Variants in GLYATL2 observed in about 807,000 individuals in gnomAD.
The protein encoded by GLYATL2 is glycine N-acyltransferase-like protein 2.
GLYATL2 carries 25 observed loss-of-function variants against 21.4 expected under a neutral mutation model. The ratio of observed to expected loss-of-function variants is 1.17; its 90% CI spans 0.85 to 1.63. GLYATL2 has a LOEUF of 1.63. Among genes scored for constraint, GLYATL2 ranks in the 40% most tolerant of loss-of-function variants. GLYATL2 has a pLI of 0.00. For synonymous variants in GLYATL2, 114 were observed against 118.2 expected (o/e 0.96, Z 0.23); for missense variants, 361 against 343.3 (o/e 1.05, Z -0.41).
chr11:58,839,536 T>G lies in GLYATL2; in HGVS notation c.77A>C (p.Lys26Thr), dbSNP rs1023303183. 1.9e-6 allele frequency: 3 copies of G among 1,602,320 alleles called. No individual in the cohort carries two copies. The highest frequency in any genetic ancestry group is 2.6e-6 in the Non-Finnish European group (3 of 1,170,838). ...TTTGATCTCCTCCTACTCCGTTACC[T>G]TTATGGATTCAGGGATGCTCTTTTC... is the stretch of plus-strand genomic sequence containing the variant. Reference protein sequence around the residue: ...SLEKSIPESIKVYGAIFNIKD... With the variant: ...SLEKSIPESITVYGAIFNIKD... Residue 26 changes from lysine (K) to threonine (T), a missense_variant and splice_region_variant, in exon 2 of 6, where the codon AAG becomes ACG. Coordinates refer to ENST00000287275, the MANE Select transcript of GLYATL2 (RefSeq NM_145016.4).
At chr11:58,835,523 TG>T (rs1327747832) in intron 5 of GLYATL2, among the ~76,000 whole-genome samples, 12 of 152,214 alleles carry the variant, frequency 7.9e-5, no homozygotes, top group Admixed American at 7.9e-4. Context: ...AATATGGGGA[TG>T]GTGGAAGAGA....
chr11:58,886,537 T>A (rs1854443786), intron 1 of GLYATL2, among the ~76,000 whole-genome samples: 1 of 152,188 alleles, frequency 6.6e-6, no homozygotes, highest in Admixed American at 6.5e-5. Flanking sequence ...AATAAGAGGA[T>A]CTTCTTCAGA....
At chr11:58,871,156 T>C (rs561312946) in intron 1 of GLYATL2, among the ~76,000 whole-genome samples, 13 of 152,284 alleles carry the variant, frequency 8.5e-5, no homozygotes, top group Non-Finnish European at 1.3e-4. Context: ...AGCTATTGGA[T>C]GGAATTCAAC....
At chr11:58,837,842 C>G (rs1161812093) in intron 3 of GLYATL2, among the ~76,000 whole-genome samples, 1 of 152,154 alleles carries the variant, frequency 6.6e-6, no homozygotes, top group Admixed American at 6.5e-5. Context: ...TGGAAAGAAC[C>G]ATCATTCCAG....
At chr11:58,840,537 C>G (rs1022460371) in intron 1 of GLYATL2, among the ~76,000 whole-genome samples, 5 of 151,884 alleles carry the variant, frequency 3.3e-5, no homozygotes, top group Non-Finnish European at 7.4e-5. Context: ...GATGTAATCC[C>G]AATTAATAAT....
At chr11:58,871,418 G>C (rs547335517) in intron 1 of GLYATL2, among the ~76,000 whole-genome samples, 119 of 151,208 alleles carry the variant, frequency 7.9e-4, no homozygotes, top group East Asian at 1.2e-3. Flanking sequence ...ATATCACCTA[G>C]TGCTATCCCT....
chr11:58,845,221 T>A (rs895173420), upstream of GLYATL2, among the ~76,000 whole-genome samples: 1 of 152,320 alleles, frequency 6.6e-6, no homozygotes, highest in Non-Finnish European at 1.5e-5. Flanking sequence ...CCTGGCAATC[T>A]GTATGTTATA....
upstream of GLYATL2, among the ~76,000 whole-genome samples, chr11:58,905,143 A>C (rs1854832105): frequency 6.6e-6 from 1 of 152,180 alleles, no homozygotes; most frequent in African/African-American, 2.4e-5. Flanking sequence ...TGAGGGGTAA[A>C]GTTCCGCACC....
chr11:58,855,418 C>T (rs1318936553), intron 1 of GLYATL2, among the ~76,000 whole-genome samples: 1 of 152,176 alleles, frequency 6.6e-6, no homozygotes, highest in African/African-American at 2.4e-5. Flanking sequence ...CATTAGGTCT[C>T]AATTGTAGGC....
chr11:58,839,116 T>A (rs1853496973), intron 2 of GLYATL2, among the ~76,000 whole-genome samples: 1 of 152,112 alleles, frequency 6.6e-6, no homozygotes, highest in African/African-American at 2.4e-5. Flanking sequence ...TAAAAAAGGC[T>A]GGAGAATTTT....
intron 1 of GLYATL2, among the ~76,000 whole-genome samples, chr11:58,903,589 C>T (rs1590759772): frequency 6.6e-6 from 1 of 152,210 alleles, no homozygotes; most frequent in East Asian, 1.9e-4. Context: ...ATGAGAATCA[C>T]CTAAACCCAG....
chr11:58,895,545 G>T (rs1398754983), intron 1 of GLYATL2, among the ~76,000 whole-genome samples: 1 of 152,120 alleles, frequency 6.6e-6, no homozygotes, highest in Non-Finnish European at 1.5e-5. Context: ...TCAGAGTGCT[G>T]GCATCTTGTC....
intron 1 of GLYATL2, among the ~76,000 whole-genome samples, chr11:58,889,073 T>C (rs1854494498): frequency 6.6e-6 from 1 of 151,958 alleles, no homozygotes; most frequent in Admixed American, 6.6e-5. Context: ...CAAAATTTTA[T>C]TGTTTTCCTG....
At chr11:58,872,452 G>A (rs549188334) in intron 1 of GLYATL2, among the ~76,000 whole-genome samples, 194 of 152,230 alleles carry the variant, frequency 1.3e-3, no homozygotes, top group African/African-American at 4.2e-3. Context: ...ATCTTGAATT[G>A]ATTTTTGTAT....
intron 1 of GLYATL2, among the ~76,000 whole-genome samples, chr11:58,891,823 AG>A (rs1242807990): frequency 6.6e-6 from 1 of 152,234 alleles, no homozygotes; most frequent in Admixed American, 6.5e-5. Flanking sequence ...AGAAGCAGGG[AG>A]AGAAGCAATT....
chr11:58,834,912 A>G, intron 5 of GLYATL2, 75 bp from the exon 6 acceptor site: 1 of 1,143,340 alleles, frequency 8.7e-7, no homozygotes. Flanking sequence ...TAAATATAAC[A>G]CCATTCCTTT....
chr11:58,902,888 A>AT lies in GLYATL2; in HGVS notation n.60+1267dup, dbSNP rs540385603. Among the ~76,000 whole-genome samples the AT allele has an allele frequency of 4.1e-4, 63 of 152,298 alleles. No homozygotes were observed. In the South Asian group the frequency reaches 0.012, roughly 30 times the overall value. On this transcript the variant is annotated intron_variant and non_coding_transcript_variant, in intron 1 of 4. Transcript: ENST00000533636. The stretch of plus-strand genomic sequence containing the variant: ...TGAGGCTTCCTTGGTGGCTCAACAG[A>AT]TTCCCTGAGCATCCCTACCCTGTCA...
At chr11:58,876,185 G>A (rs540255859) in intron 1 of GLYATL2, among the ~76,000 whole-genome samples, 67 of 152,124 alleles carry the variant, frequency 4.4e-4, no homozygotes, top group African/African-American at 1.2e-3. Context: ...CTAGTTATCC[G>A]TTCATCTAAT....
chr11:58,836,241 T>C (rs1853428972), intron 5 of GLYATL2, among the ~76,000 whole-genome samples: 3 of 152,208 alleles, frequency 2.0e-5, no homozygotes, highest in Admixed American at 6.5e-5. Context: ...TTTTTTCATG[T>C]AGCAATCTAT....
Sources: allele counts gnomAD v4.1 joint callset (sites outside exome capture counted in the v4.1 genomes callset), GRCh38; gene constraint gnomAD v4.1.1; transcripts MANE v1.5; gene names NCBI Gene and HGNC (gene_info 2026-07-23, HGNC 2026-07-21).